Variants in NFATC2IP observed in about 807,000 individuals in gnomAD.
NFATC2IP encodes nuclear factor of activated T cells 2 interacting protein.
NFATC2IP carries 25 observed loss-of-function variants against 40.2 expected under a neutral mutation model. The observed-to-expected ratio is 0.62, with a 90% CI of 0.45 to 0.87. The LOEUF (loss-of-function observed/expected upper bound fraction) is 0.87. Ranked by LOEUF, NFATC2IP falls within the 40% of genes least tolerant of loss-of-function variation. The probability of loss-of-function intolerance (pLI) is 0.00; values close to 1 mark genes in which losing one functional copy is unlikely to be tolerated. For missense variants in NFATC2IP, 553 were observed against 555.6 expected, an observed-to-expected ratio of 1.00 and a Z score of 0.05; for synonymous variants, 241 against 236.3, an observed-to-expected ratio of 1.02 and a Z score of -0.18.
chr16:28,963,535 A>T (rs1332410793), intron 7 of NFATC2IP, among the ~76,000 whole-genome samples, 170 bp from the exon 8 acceptor site: 1 of 152,138 alleles, frequency 6.6e-6, no homozygotes, highest in African/African-American at 2.4e-5. Flanking sequence ...CCCAGAGAGG[A>T]GCCTGGCTGG....
At position 28,955,804 on chromosome 16, in the gene NFATC2IP, G is replaced by A. The variant is rs576215190; in HGVS notation, c.579-174G>A. ...GGGTCTCCCCATCTTGCCCAGCCTG[G>A]TCTTGGACTCCTGGGCTCGAGCGAT... On this transcript the variant is annotated intron_variant, in intron 3 of 7. Coordinates refer to ENST00000320805, the MANE Select transcript of NFATC2IP (RefSeq NM_032815.4). 1.1e-4 allele frequency among the ~76,000 whole-genome samples: 17 copies of A among 152,220 alleles called. 1 individual carries two copies. Among genetic ancestry groups the A allele is most frequent in the African/African-American group, 4.1e-4 (17 of 41,542 alleles).
chr16:28,951,466 G>T, intron 1 of NFATC2IP, 68 bp downstream of exon 1: 1 of 1,340,088 alleles, frequency 7.5e-7, no homozygotes, highest in Non-Finnish European at 9.6e-7. Flanking sequence ...AGGGGCCGGC[G>T]TTCGGGGAGG....
In NFATC2IP at chr16:28,966,444, T is replaced by TA. The variant is rs869184973; in HGVS notation, c.*2602dup. 0.28 allele frequency: 33,777 copies of TA among 122,002 alleles called. 5,344 individuals carry two copies. Among genetic ancestry groups the TA allele is most frequent in the Middle Eastern group, 0.39 (94 of 240 alleles). The allele number at this position is 122,002 out of a possible 1,614,324, so 7.6% of individuals were successfully genotyped here. On this transcript the variant is annotated 3_prime_UTR_variant, in exon 8 of 8. Coordinates refer to ENST00000320805, the MANE Select transcript of NFATC2IP (RefSeq NM_032815.4). ...GGCAACACAGCGAGACCTTGTCTCT[T>TA]AAAAAAAAAAAAAAAAAAAAATGAG...
At chr16:28,958,356 C>CAA (rs373309094) in intron 5 of NFATC2IP, 25 of 115,952 alleles carry the variant, frequency 2.2e-4, no homozygotes, top group South Asian at 2.6e-4. Flanking sequence ...AACTCCGTCT[C>CAA]AAAAAAAAAA....
chr16:28,951,071 GGGTCGGGGCGGCTGGGGC>G lies in NFATC2IP; in HGVS notation c.70_87del (p.Gly24_Gly29del), dbSNP rs1964959373. On this transcript the variant is annotated inframe_deletion, in exon 1 of 8. Coordinates refer to ENST00000320805, the MANE Select transcript of NFATC2IP (RefSeq NM_032815.4). ...CCGGAGGTAGCGGTGCCGGCCGAGG[GGGTCGGGGCGGCTGGGGC>G]GGTCGGGGCCGGCGTCCTCGGGCCC... 1 of 1,541,648 alleles carries G rather than the reference GGGTCGGGGCGGCTGGGGC, an allele frequency of 6.5e-7. No individual in the cohort carries two copies. Among genetic ancestry groups the G allele is most frequent in the African/African-American group, 1.4e-5 (1 of 72,270 alleles).
At chr16:28,959,999 C>T (rs768371193) in intron 7 of NFATC2IP, among the ~76,000 whole-genome samples, 20 of 152,174 alleles carry the variant, frequency 1.3e-4, no homozygotes, top group East Asian at 3.8e-4. Flanking sequence ...GGCCTGGTTC[C>T]GTCTGAGAAT....
chr16:28,963,782 T>C lies in NFATC2IP; in HGVS notation c.1179T>C (p.Phe393=). ...GLSGRKLSFF[F]DGTKLSGREL... ...CGGGACGGAAGCTCTCCTTCTTCTT[T>C]GATGGGACAAAGCTTTCAGGCAGGG... is the stretch of plus-strand genomic sequence containing the variant. Residue 393 remains phenylalanine (F), a synonymous_variant, in exon 8 of 8, where the codon TTT becomes TTC. Transcript: ENST00000320805. The C allele has an allele frequency of 1.2e-6, 2 of 1,614,222 alleles. No homozygotes were observed. Among genetic ancestry groups the C allele is most frequent in the African/African-American group, 1.3e-5 (1 of 75,064 alleles).
At chr16:28,960,785 A>G (rs892508972) in intron 7 of NFATC2IP, among the ~76,000 whole-genome samples, 2 of 152,086 alleles carry the variant, frequency 1.3e-5, no homozygotes. Flanking sequence ...CCTTTATTGG[A>G]AACTTTTATT....
chr16:28,952,284 C>A (rs765126258), intron 2 of NFATC2IP, 80 bp downstream of exon 2: 2 of 1,594,176 alleles, frequency 1.3e-6, no homozygotes, highest in South Asian at 1.1e-5. Flanking sequence ...TTCCTGCAGT[C>A]AGTTGTCTCC....
chr16:28,963,668 C>T (rs781542231), intron 7 of NFATC2IP, 37 bp from the exon 8 acceptor site: 2 of 1,603,416 alleles, frequency 1.2e-6, no homozygotes, highest in Non-Finnish European at 1.7e-6. Context: ...CGCCCCCTTT[C>T]ATGTTCTGAC....
intron 3 of NFATC2IP, among the ~76,000 whole-genome samples, 189 bp downstream of exon 3, chr16:28,954,871 C>T (rs1965004178): frequency 5.3e-5 from 8 of 151,968 alleles, no homozygotes; most frequent in Admixed American, 5.2e-4. Flanking sequence ...GACAGTGAAC[C>T]CTTCAGGATC....
Position 28,966,895 on chromosome 16 carries a change from C to T in NFATC2IP, c.*3032C>T, listed in dbSNP as rs1328731915. 1 of 152,000 alleles carries T rather than the reference C, an allele frequency of 6.6e-6. No individual in the cohort carries two copies. Among genetic ancestry groups the T allele is most frequent in the African/African-American group, 2.4e-5 (1 of 41,382 alleles). The allele number at this position is 152,000 out of a possible 1,614,324, so 9.4% of individuals were successfully genotyped here. ...GCCATTAACCTTTCTCTAATATTTG[C>T]ATGATTCTAATAAAAGTATGTCAAC... On this transcript the variant is annotated 3_prime_UTR_variant, in exon 8 of 8. Coordinates refer to ENST00000320805, the MANE Select transcript of NFATC2IP (RefSeq NM_032815.4).
chr16:28,954,608 C>T lies in NFATC2IP; in HGVS notation c.504C>T (p.Ser168=), dbSNP rs1203494411. Residue 168 remains serine (S), a synonymous_variant, in exon 3 of 8, where the codon TCC becomes TCT. Transcript: ENST00000320805. ...CGAGTGGTCTCTACCATGAGGGCTC[C>T]CCATCACCAGGCTCTCCCTGGAAGA... ...ADSSGLYHEG[S]PSPGSPWKTK... 3.1e-6 allele frequency: 5 copies of T among 1,613,852 alleles called. No individual in the cohort carries two copies. The highest frequency in any genetic ancestry group is 4.2e-6 in the Non-Finnish European group (5 of 1,179,918).
intron 2 of NFATC2IP, 59 bp from the exon 3 acceptor site, chr16:28,954,506 T>G: frequency 8.7e-7 from 1 of 1,146,800 alleles, no homozygotes; most frequent in Non-Finnish European, 1.3e-6. Flanking sequence ...TGTTTCTTCT[T>G]GGCCTTCGCT....
At position 28,966,444 on chromosome 16, in the gene NFATC2IP, T is replaced by TAAAAAAAAA. The variant is rs869184973; in HGVS notation, c.*2594_*2602dup. 27 of 122,098 alleles carry TAAAAAAAAA rather than the reference T, an allele frequency of 2.2e-4. No individual in the cohort carries two copies. The highest frequency in any genetic ancestry group is 8.6e-4 in the African/African-American group (27 of 31,534). 7.6% of individuals were successfully genotyped at this position (122,098 alleles called of 1,614,324 possible). A position where few individuals can be genotyped will look rare whatever the true frequency, so the allele number is the denominator to read the frequency against. On this transcript the variant is annotated 3_prime_UTR_variant, in exon 8 of 8. Coordinates refer to ENST00000320805, the MANE Select transcript of NFATC2IP (RefSeq NM_032815.4). The stretch of plus-strand genomic sequence containing the variant: ...GGCAACACAGCGAGACCTTGTCTCT[T>TAAAAAAAAA]AAAAAAAAAAAAAAAAAAAAATGAG...
chr16:28,952,322 G>A, intron 2 of NFATC2IP, 118 bp downstream of exon 2: 1 of 1,476,160 alleles, frequency 6.8e-7, no homozygotes, highest in Non-Finnish European at 9.1e-7. Context: ...GCGTGGGAGA[G>A]GGGACTCCTG....
At position 28,951,109 on chromosome 16, in the gene NFATC2IP, G is replaced by A. The variant is rs1046403505; in HGVS notation, c.98G>A (p.Arg33Gln). Residue 33 changes from arginine to glutamine, a missense_variant, in exon 1 of 8, where the codon CGG (arginine) becomes CAG (glutamine). By Grantham distance (43) the Arg-to-Gln change is conservative. Transcript: ENST00000320805. ...TGGGGCGGTCGGGGCCGGCGTCCTCGGGCCCAGCGGTCTCCATCCCGGGGC... is the reference window on the plus strand; with the variant it reads ...TGGGGCGGTCGGGGCCGGCGTCCTCAGGCCCAGCGGTCTCCATCCCGGGGC... ...GGWGGRGRRP[R>Q]AQRSPSRGTL... 1 of 1,544,874 alleles carries A rather than the reference G, an allele frequency of 6.5e-7. No homozygotes were observed. Among genetic ancestry groups the A allele is most frequent in the Non-Finnish European group, 8.7e-7 (1 of 1,143,794 alleles).
At chr16:28,963,575 C>T (rs989905212) in intron 7 of NFATC2IP, 130 bp from the exon 8 acceptor site, 30 of 744,810 alleles carry the variant, frequency 4.0e-5, no homozygotes, top group South Asian at 2.5e-4. Context: ...CTCCTTTCCC[C>T]GCATGGGGCC....
Position 28,967,068 on chromosome 16 carries a change from AC to A in NFATC2IP, c.*3206del, listed in dbSNP as rs1965155417. The A allele has an allele frequency of 6.6e-6, 1 of 152,166 alleles. No homozygotes were observed. Among genetic ancestry groups the A allele is most frequent in the Non-Finnish European group, 1.5e-5 (1 of 68,030 alleles). The allele number at this position is 152,166 out of a possible 1,614,324, so 9.4% of individuals were successfully genotyped here. A position where few individuals can be genotyped will look rare whatever the true frequency, so the allele number is the denominator to read the frequency against. ...CGTTAAAATTATATGTTTAACCTCA[AC>A]AAAATAAATGGCAATATGTTCAACT... On this transcript the variant is annotated 3_prime_UTR_variant, in exon 8 of 8. Transcript: ENST00000320805.
Sources: gnomAD v4.1 joint callset for allele counts (sites outside exome capture counted in the v4.1 genomes callset) on GRCh38, gnomAD v4.1.1 for gene constraint, MANE v1.5 for transcripts, NCBI Gene and HGNC (gene_info 2026-07-23, HGNC 2026-07-21) for gene names.